ANKRD28: variants seen among roughly 807,000 people sequenced by gnomAD.
The protein encoded by ANKRD28 is ankyrin repeat domain 28.
Under a neutral mutation model 126.5 loss-of-function variants are expected in ANKRD28, and 44 were observed. That is an observed-to-expected ratio of 0.35 (90% CI 0.27 to 0.45). The LOEUF is 0.45. ANKRD28 is among the 20% of genes least tolerant of loss of function. The pLI, the probability that ANKRD28 is intolerant of heterozygous loss-of-function variation, is 1.00. For missense variants in ANKRD28, 1,110 were observed against 1,316.6 expected (o/e 0.84, Z 2.43); for synonymous variants, 442 against 468.5 (o/e 0.94, Z 0.73).
intron 1 of ANKRD28, among the ~76,000 whole-genome samples, chr3:15,851,139 T>C (rs2061642817): frequency 6.6e-6 from 1 of 152,164 alleles, no homozygotes; most frequent in South Asian, 2.1e-4. Context: ...TTTTCCTATA[T>C]CCTTATCACA....
Position 15,853,320 on chromosome 3 carries a change from T to C in ANKRD28, c.27+6057A>G, listed in dbSNP as rs916847320. ...ATTTTCCATGGGCATCTCACCCCAG[T>C]CCAGAATGAGTACATTCACTGAATA... is the stretch of plus-strand genomic sequence containing the variant. On this transcript the variant is annotated intron_variant, in intron 1 of 27. Coordinates refer to the ANKRD28 transcript ENST00000399451. This position sits in a 1 kb window ranked among gnomAD's most constrained non-coding sequence, Gnocchi z 4.2. 1.3e-5 allele frequency among the ~76,000 whole-genome samples: 2 copies of C among 152,108 alleles called. No individual in the cohort carries two copies. The highest frequency in any genetic ancestry group is 6.5e-5 in the Admixed American group (1 of 15,280).
intron 13 of ANKRD28, among the ~76,000 whole-genome samples, chr3:15,708,887 T>C (rs1413028148): frequency 6.6e-6 from 1 of 152,222 alleles, no homozygotes; most frequent in Non-Finnish European, 1.5e-5. Context: ...TCTTCTGACA[T>C]ACACCCTTCC....
intron 17 of ANKRD28, among the ~76,000 whole-genome samples, chr3:15,692,523 C>A (rs1056624200): frequency 6.6e-6 from 1 of 152,192 alleles, no homozygotes; most frequent in African/African-American, 2.4e-5. Context: ...TGATTTGCCA[C>A]AGGGCTTTTC....
chr3:15,842,192 A>G (rs1184571550), intron 1 of ANKRD28, among the ~76,000 whole-genome samples: 2 of 152,038 alleles, frequency 1.3e-5, no homozygotes, highest in African/African-American at 4.8e-5. Flanking sequence ...TTAACAAAGA[A>G]TATATGGTCC....
intron 6 of ANKRD28, 40 bp downstream of exon 6, chr3:15,735,370 A>T: frequency 6.9e-7 from 1 of 1,447,734 alleles, no homozygotes; most frequent in Non-Finnish European, 9.4e-7. Flanking sequence ...CAACTTTTCT[A>T]AATATATAAT....
At chr3:15,737,420 G>A (rs1038069352) in intron 4 of ANKRD28, among the ~76,000 whole-genome samples, 187 bp from the exon 5 acceptor site, 3 of 135,310 alleles carry the variant, frequency 2.2e-5, no homozygotes, top group Admixed American at 1.5e-4. Context: ...AATGTAAAGC[G>A]ATACTGAGAG....
intron 8 of ANKRD28, among the ~76,000 whole-genome samples, chr3:15,717,758 T>G (rs1179261731): frequency 6.6e-6 from 1 of 152,196 alleles, no homozygotes; most frequent in Non-Finnish European, 1.5e-5. Context: ...ATCAGTGCAG[T>G]AAGGCTCATG....
intron 1 of ANKRD28, chr3:15,859,316 G>A: frequency 1.3e-6 from 2 of 1,511,686 alleles, no homozygotes; most frequent in Non-Finnish European, 1.8e-6. Context: ...CACACCGCCG[G>A]TCCGCCCTGC....
chr3:15,672,154 T>C (rs2066433548), intron 27 of ANKRD28, among the ~76,000 whole-genome samples: 1 of 151,870 alleles, frequency 6.6e-6, no homozygotes, highest in Non-Finnish European at 1.5e-5. Flanking sequence ...GGATTTTTTT[T>C]TTTTTTTTTG....
Position 15,833,226 on chromosome 3 carries a change from G to A in ANKRD28, c.27+26151C>T, listed in dbSNP as rs2061243668. Among the ~76,000 whole-genome samples the A allele has an allele frequency of 6.6e-6, 1 of 152,140 alleles. No homozygotes were observed. Among genetic ancestry groups the A allele is most frequent in the African/African-American group, 2.4e-5 (1 of 41,434 alleles). On this transcript the variant is annotated intron_variant, in intron 1 of 27. Transcript: ENST00000399451. The surrounding 1 kb of genome is among the most constrained non-coding windows in gnomAD (Gnocchi z 4.4). ...AAAGGCGGATCTACCCTTAATCTGA[G>A]TAGGCACCATCTAATCAGCTGTCAG...
intron 4 of ANKRD28, among the ~76,000 whole-genome samples, chr3:15,751,461 G>C (rs540874581): frequency 1.3e-5 from 2 of 152,252 alleles, no homozygotes; most frequent in African/African-American, 4.8e-5. Flanking sequence ...TAAATAGGTA[G>C]AGAAAAGCCC....
chr3:15,801,641 T>C (rs1037005112), upstream of ANKRD28, among the ~76,000 whole-genome samples: 1 of 151,946 alleles, frequency 6.6e-6, no homozygotes, highest in Non-Finnish European at 1.5e-5. This position sits in a 1 kb window ranked among gnomAD's most constrained non-coding sequence, Gnocchi z 4.9. Flanking sequence ...ATGAACAGAG[T>C]TAAAAGAAAA....
In ANKRD28 at chr3:15,679,565, T is replaced by C; in HGVS notation, c.2390-2A>G. On this transcript the variant is annotated splice_acceptor_variant, in intron 21 of 27. Coordinates refer to ENST00000683139, the MANE Select transcript of ANKRD28 (RefSeq NM_001349278.2). LOFTEE classifies it high-confidence loss of function. ...GCAGTTCTACACATGTCTCGTGACCTAAATAGGTGTAAAGAACCAGGTATT... is the reference window on the plus strand; with the variant it reads ...GCAGTTCTACACATGTCTCGTGACCCAAATAGGTGTAAAGAACCAGGTATT... 6.2e-7 allele frequency: 1 copy of C among 1,604,524 alleles called. No homozygotes were observed. The highest frequency in any genetic ancestry group is 8.5e-7 in the Non-Finnish European group (1 of 1,174,128).
At chr3:15,736,898 AG>A (rs2075056060) in intron 5 of ANKRD28, 134 bp downstream of exon 5, 3 of 880,996 alleles carry the variant, frequency 3.4e-6, no homozygotes, top group Non-Finnish European at 5.2e-6. Context: ...AAGTTATAAA[AG>A]GAGGCAAAAT....
intron 2 of ANKRD28, among the ~76,000 whole-genome samples, chr3:15,791,257 G>GA (rs1226582389): frequency 6.6e-6 from 1 of 151,866 alleles, no homozygotes; most frequent in African/African-American, 2.4e-5. Context: ...CACAGGAATA[G>GA]AAAAAATACT....
chr3:15,695,271 G>A (rs2069369269), intron 15 of ANKRD28, 57 bp from the exon 16 acceptor site: 1 of 1,271,926 alleles, frequency 7.9e-7, no homozygotes, highest in African/African-American at 1.5e-5. Context: ...TCTATATTAA[G>A]TCTCAACTTA....
At chr3:15,795,092 A>AT (rs1335656541) in intron 2 of ANKRD28, 131 bp downstream of exon 2, 1 of 665,414 alleles carries the variant, frequency 1.5e-6, no homozygotes, top group African/African-American at 1.8e-5. Context: ...TTTTGCCTCA[A>AT]TACCTTCCTG....
intron 1 of ANKRD28, among the ~76,000 whole-genome samples, chr3:15,804,333 C>T (rs1328169817): frequency 6.9e-6 from 1 of 144,812 alleles, no homozygotes; most frequent in Non-Finnish European, 1.5e-5. Flanking sequence ...TTGTAACTGA[C>T]ATATACAGAT....
At chr3:15,761,023 ACT>A (rs2058430091) in intron 3 of ANKRD28, among the ~76,000 whole-genome samples, 1 of 152,170 alleles carries the variant, frequency 6.6e-6, no homozygotes, top group Admixed American at 6.6e-5. Context: ...GAAGGAAATG[ACT>A]CTAAAATAAT....
Sources: allele counts gnomAD v4.1 joint callset (sites outside exome capture counted in the v4.1 genomes callset), GRCh38; gene constraint gnomAD v4.1.1; non-coding constraint Gnocchi (gnomAD v3.1); transcripts MANE v1.5; gene names NCBI Gene and HGNC (gene_info 2026-07-23, HGNC 2026-07-21).